The following BEND4 variants were observed in gnomAD, a reference collection of about 807,000 sequenced individuals.
BEND4 encodes the protein BEN domain-containing protein 4.
BEND4 carries 27 observed loss-of-function variants against 54.7 expected under a neutral mutation model. The observed-to-expected ratio is 0.49, with a 90% CI of 0.36 to 0.68. The LOEUF (loss-of-function observed/expected upper bound fraction) is 0.68. BEND4 is among the 30% of genes least tolerant of loss of function. The probability of loss-of-function intolerance (pLI) is 0.00; values close to 1 mark genes in which losing one functional copy is unlikely to be tolerated. For missense variants in BEND4, 702 were observed against 697.2 expected, an observed-to-expected ratio of 1.01 and a Z score of -0.08; for synonymous variants, 327 against 299.5, an observed-to-expected ratio of 1.09 and a Z score of -0.95.
Position 42,114,972 on chromosome 4 carries a change from A to C in BEND4, c.*2546T>G, listed in dbSNP as rs1719740161. On this transcript the variant is annotated 3_prime_UTR_variant, in exon 6 of 6. Coordinates refer to ENST00000502486, the MANE Select transcript of BEND4 (RefSeq NM_207406.4). ...GGCTAAAGGAACCCAGCAGATACAC[A>C]AACAGTAGAAGTACAATGGAATATC... is the stretch of plus-strand genomic sequence containing the variant. 6.6e-6 allele frequency: 1 copy of C among 152,314 alleles called. No homozygotes were observed. The highest frequency in any genetic ancestry group is 2.4e-5 in the African/African-American group (1 of 41,468). 9.4% of individuals were successfully genotyped at this position (152,314 alleles called of 1,614,324 possible). A position where few individuals can be genotyped will look rare whatever the true frequency, so the allele number is the denominator to read the frequency against.
chr4:42,114,027 A>T lies in BEND4; in HGVS notation c.*3491T>A, dbSNP rs1466202150. 1 of 152,236 alleles carries T rather than the reference A, an allele frequency of 6.6e-6. No homozygotes were observed. Among genetic ancestry groups the T allele is most frequent in the African/African-American group, 2.4e-5 (1 of 41,458 alleles). The allele number at this position is 152,236 out of a possible 1,614,324, so 9.4% of individuals were successfully genotyped here. A position where few individuals can be genotyped will look rare whatever the true frequency, so the allele number is the denominator to read the frequency against. On this transcript the variant is annotated 3_prime_UTR_variant, in exon 6 of 6. Coordinates refer to ENST00000502486, the MANE Select transcript of BEND4 (RefSeq NM_207406.4). The stretch of plus-strand genomic sequence containing the variant: ...AAGTAAATACAGAAAGTACTTGTAA[A>T]ATGTTCAAGTAAAATGAGAAAGTAC...
chr4:42,114,751 A>G lies in BEND4; in HGVS notation c.*2767T>C, dbSNP rs1719729429. On this transcript the variant is annotated 3_prime_UTR_variant, in exon 6 of 6. Transcript: ENST00000502486. ...ATGGGCCTTGCCAAAATACAAATGAACATCCTTTGTTGGTCCTGATTTAAA... is the reference window on the plus strand; with the variant it reads ...ATGGGCCTTGCCAAAATACAAATGAGCATCCTTTGTTGGTCCTGATTTAAA... 6.6e-6 allele frequency: 1 copy of G among 152,260 alleles called. No individual in the cohort carries two copies. 9.4% of individuals were successfully genotyped at this position (152,260 alleles called of 1,614,324 possible).
intron 3 of BEND4, among the ~76,000 whole-genome samples, chr4:42,128,315 C>T (rs571640096): frequency 2.7e-4 from 41 of 152,342 alleles, no homozygotes; most frequent in African/African-American, 9.4e-4. Context: ...CTCACCACTC[C>T]TATTCAACAC....
rs776466939 is a variant in BEND4 at position 42,125,657 on chromosome 4, A to G, written c.1072T>C (p.Leu358=). 7 of 1,612,154 alleles carry G rather than the reference A, an allele frequency of 4.3e-6. No homozygotes were observed. The highest frequency in any genetic ancestry group is 1.3e-5 in the African/African-American group (1 of 74,834). ...ESIPVPCQTV[L]DYLKMVLQHH... Reference sequence around the variant, plus strand: ...TGCAGAACCATCTTCAAGTAATCTAAAACGGTCTGGCAGGGCACTGGGTGG... The same window carrying G: ...TGCAGAACCATCTTCAAGTAATCTAGAACGGTCTGGCAGGGCACTGGGTGG... The change falls in exon 4 of 6, where the codon TTA becomes CTA. Residue 358 remains leucine (L), a synonymous_variant. Coordinates refer to ENST00000502486, the MANE Select transcript of BEND4 (RefSeq NM_207406.4).
intron 3 of BEND4, among the ~76,000 whole-genome samples, chr4:42,128,842 A>T (rs182184362): frequency 1.3e-5 from 2 of 152,112 alleles, no homozygotes; most frequent in East Asian, 3.9e-4. Flanking sequence ...AGGCTGAGAC[A>T]GGAAAACGGC....
At chr4:42,148,119 G>C (rs1208305042) in intron 2 of BEND4, among the ~76,000 whole-genome samples, 1 of 151,160 alleles carries the variant, frequency 6.6e-6, no homozygotes, top group Non-Finnish European at 1.5e-5. Flanking sequence ...GTTCAAAATA[G>C]ATGATTTCCT....
rs922085797 is a variant in BEND4, at chr4:42,129,527, T to C, written c.1055-3853A>G. Among the ~76,000 whole-genome samples, 7 of 152,042 alleles carry C rather than the reference T, an allele frequency of 4.6e-5. No homozygotes were observed. In the South Asian group the frequency reaches 1.2e-3, roughly 27 times the overall value. ...TACAGTAGGCAAAACAGCATGCTAC[T>C]GGTACAAAAACAGACACACAGACCA... On this transcript the variant is annotated intron_variant, in intron 3 of 5. Transcript: ENST00000502486.
chr4:42,135,123 C>G (rs1054577569), intron 3 of BEND4, among the ~76,000 whole-genome samples: 2 of 152,138 alleles, frequency 1.3e-5, no homozygotes, highest in Admixed American at 1.3e-4. Context: ...CTTAGTGACT[C>G]TTGCAACAGC....
At chr4:42,137,764 A>C (rs1720743389) in intron 3 of BEND4, among the ~76,000 whole-genome samples, 2 of 152,222 alleles carry the variant, frequency 1.3e-5, no homozygotes, top group Non-Finnish European at 2.9e-5. Flanking sequence ...CAGTGGAAAA[A>C]CAAATAACCC....
In BEND4 at chr4:42,143,636, C is replaced by G; in HGVS notation, c.846G>C (p.Leu282=). The change falls in exon 3 of 6, where the codon CTG becomes CTC. Residue 282 remains leucine, a synonymous_variant. Transcript: ENST00000502486. ...CTAATGTATGCACAGGAGAGGTTGA[C>G]AGAGGATCCACGTCGGCCAGATGGC... The part of the protein sequence containing the change: ...EYGHLADVDP[L]STSPVHTLGG... 1.2e-6 allele frequency: 2 copies of G among 1,612,870 alleles called. No individual in the cohort carries two copies. The highest frequency in any genetic ancestry group is 1.7e-6 in the Non-Finnish European group (2 of 1,179,460).
At chr4:42,151,595 C>G (rs1158309451) in intron 2 of BEND4, 62 bp downstream of exon 2, 3 of 1,406,236 alleles carry the variant, frequency 2.1e-6, no homozygotes, top group Non-Finnish European at 2.8e-6. Context: ...CTTCTCCTTC[C>G]TGGGTCCCCT....
rs901847796 is a variant in BEND4 at position 42,115,493 on chromosome 4, T to C, written c.*2025A>G. 6.6e-6 allele frequency: 1 copy of C among 152,202 alleles called. No homozygotes were observed. The highest frequency in any genetic ancestry group is 2.4e-5 in the African/African-American group (1 of 41,446). 9.4% of individuals were successfully genotyped at this position (152,202 alleles called of 1,614,324 possible). ...CAGAAAAACAAGAAGGGCTAGTCTG[T>C]TTTTCTTAAAAGCAGTGATCAAATA... is the stretch of plus-strand genomic sequence containing the variant. On this transcript the variant is annotated 3_prime_UTR_variant, in exon 6 of 6. Transcript: ENST00000502486.
intron 3 of BEND4, among the ~76,000 whole-genome samples, chr4:42,136,591 G>A (rs1406574743): frequency 1.3e-5 from 2 of 152,222 alleles, no homozygotes; most frequent in Non-Finnish European, 1.5e-5. Flanking sequence ...GCTTAACAAC[G>A]GGATGCTTTG....
chr4:42,117,425 T>TTTG lies in BEND4; in HGVS notation c.*92_*93insCAA, dbSNP rs1560573852. ...TGAGAATGTGTAGACTATGGCAGAA[T>TTTG]GACAGGCTTTGGACTCTCAGGTGAC... is the stretch of plus-strand genomic sequence containing the variant. On this transcript the variant is annotated 3_prime_UTR_variant, in exon 6 of 6. Transcript: ENST00000502486. 2.7e-5 allele frequency: 23 copies of TTTG among 855,616 alleles called. No homozygotes were observed. The highest frequency in any genetic ancestry group is 4.0e-5 in the Non-Finnish European group (22 of 544,786). The allele number at this position is 855,616 out of a possible 1,614,324, so 53.0% of individuals were successfully genotyped here. A position where few individuals can be genotyped will look rare whatever the true frequency, so the allele number is the denominator to read the frequency against.
At chr4:42,151,464 G>A in intron 2 of BEND4, 193 bp downstream of exon 2, 1 of 470,124 alleles carries the variant, frequency 2.1e-6, no homozygotes, top group African/African-American at 2.0e-5. Flanking sequence ...GCGCGCCGTC[G>A]GAAGCCCAGG....
chr4:42,147,961 C>T (rs1721134671), intron 2 of BEND4, among the ~76,000 whole-genome samples: 1 of 152,084 alleles, frequency 6.6e-6, no homozygotes, highest in African/African-American at 2.4e-5. Flanking sequence ...TGAAGGAGAT[C>T]ACAGTAGTCA....
At chr4:42,130,071 C>A (rs1404209189) in intron 3 of BEND4, among the ~76,000 whole-genome samples, 2 of 152,108 alleles carry the variant, frequency 1.3e-5, no homozygotes, top group African/African-American at 2.4e-5. Context: ...CAAACAACCC[C>A]ATTAAAAAGT....
chr4:42,141,665 C>T (rs919494307), intron 3 of BEND4, among the ~76,000 whole-genome samples: 2 of 152,164 alleles, frequency 1.3e-5, no homozygotes, highest in Admixed American at 6.5e-5. Flanking sequence ...CGCTTGAACT[C>T]AGGCAGCAGA....
chr4:42,125,142 T>A (rs1051147080), intron 4 of BEND4, among the ~76,000 whole-genome samples: 1 of 152,206 alleles, frequency 6.6e-6, no homozygotes, highest in Non-Finnish European at 1.5e-5. Context: ...TTCTTCCATT[T>A]AAGTCCAGGT....
Sources: allele counts gnomAD v4.1 joint callset (sites outside exome capture counted in the v4.1 genomes callset), GRCh38; gene constraint gnomAD v4.1.1; transcripts MANE v1.5; gene names NCBI Gene and HGNC (gene_info 2026-07-23, HGNC 2026-07-21).